Variants in LRP1B observed in about 807,000 individuals in gnomAD.
The protein encoded by LRP1B is low-density lipoprotein receptor-related protein 1B.
Under a neutral mutation model 556.6 loss-of-function variants are expected in LRP1B, and 217 were observed. That is an observed-to-expected ratio of 0.39 (90% CI 0.35 to 0.44). The LOEUF (loss-of-function observed/expected upper bound fraction) is 0.44. LRP1B is among the 20% of genes least tolerant of loss of function. The probability of loss-of-function intolerance (pLI) is 1.00; values close to 1 mark genes in which losing one functional copy is unlikely to be tolerated. For synonymous variants in LRP1B, 2,047 were observed against 1,865.8 expected (o/e 1.10, Z -2.50); for missense variants, 5,053 against 5,620.8 (o/e 0.90, Z 3.23).
chr2:141,114,941 C>T (rs538473388), intron 7 of LRP1B, among the ~76,000 whole-genome samples: 6 of 152,188 alleles, frequency 3.9e-5, no homozygotes, highest in South Asian at 2.1e-4. Flanking sequence ...CTATTAAAAC[C>T]GCACCCTTGA....
chr2:142,062,146 C>T (rs1326132714), intron 1 of LRP1B, among the ~76,000 whole-genome samples: 2 of 151,834 alleles, frequency 1.3e-5, no homozygotes. Context: ...CTTCAATGCC[C>T]CCAGCCAACT....
At chr2:141,693,073 C>T (rs901273570) in intron 2 of LRP1B, among the ~76,000 whole-genome samples, 2 of 152,028 alleles carry the variant, frequency 1.3e-5, no homozygotes, top group African/African-American at 4.8e-5. Flanking sequence ...GGGAACTTTG[C>T]CACTATGCAG....
chr2:141,297,302 A>T (rs1686219292), intron 3 of LRP1B, among the ~76,000 whole-genome samples: 1 of 152,182 alleles, frequency 6.6e-6, no homozygotes, highest in Non-Finnish European at 1.5e-5. Context: ...AAAGTCAAAA[A>T]CTAATAGATG....
chr2:140,301,480 T>C (rs1683818391), intron 83 of LRP1B, among the ~76,000 whole-genome samples: 3 of 152,144 alleles, frequency 2.0e-5, no homozygotes, highest in Non-Finnish European at 4.4e-5. Flanking sequence ...ATCCTTGAGC[T>C]TCTTCAAAAG....
intron 2 of LRP1B, among the ~76,000 whole-genome samples, chr2:141,698,508 A>AAG (rs397873890): frequency 6.6e-6 from 1 of 150,690 alleles, no homozygotes; most frequent in African/African-American, 2.4e-5. Context: ...AAAAAAAAAA[A>AAG]GAGTTTGACT....
chr2:141,677,436 G>C (rs1690926762), intron 2 of LRP1B, among the ~76,000 whole-genome samples: 1 of 152,048 alleles, frequency 6.6e-6, no homozygotes, highest in Admixed American at 6.6e-5. Flanking sequence ...ATTATTACAG[G>C]GGAGTTATGC....
At chr2:141,492,787 A>T (rs570807870) in intron 2 of LRP1B, among the ~76,000 whole-genome samples, 2 of 152,284 alleles carry the variant, frequency 1.3e-5, no homozygotes, top group African/African-American at 4.8e-5. Flanking sequence ...AGGATGATAC[A>T]AACATTTAAA....
chr2:140,539,554 A>G (rs1334951514), intron 45 of LRP1B, among the ~76,000 whole-genome samples: 2 of 152,104 alleles, frequency 1.3e-5, no homozygotes. Flanking sequence ...AGTTGTATTG[A>G]AGGTATTATG....
intron 32 of LRP1B, among the ~76,000 whole-genome samples, chr2:140,776,691 T>C (rs11675046): frequency 0.85 from 129,651 of 151,946 alleles, 55,592 homozygotes; most frequent in East Asian, 1. Flanking sequence ...CTCCCACTTT[T>C]TATTTGTTAA....
In LRP1B at chr2:141,505,544, T is replaced by C. The variant is rs766317544; in HGVS notation, c.206-25011A>G. ...ACTGAAATCTATGAATTGAAAAATA[T>C]TGCAATAGACCTCTTCTCTTTATAA... is the stretch of plus-strand genomic sequence containing the variant. On this transcript the variant is annotated intron_variant, in intron 2 of 90. Transcript: ENST00000389484. Among the ~76,000 whole-genome samples the C allele has an allele frequency of 1.1e-3, 172 of 152,068 alleles. 1 individual carries two copies. Among genetic ancestry groups the C allele is most frequent in the Non-Finnish European group, 2.0e-3 (138 of 67,956 alleles).
Position 140,883,812 on chromosome 2 carries a change from T to C in LRP1B, c.4169+5A>G. 6.2e-7 allele frequency: 1 copy of C among 1,610,630 alleles called. No individual in the cohort carries two copies. Among genetic ancestry groups the C allele is most frequent in the Non-Finnish European group, 8.5e-7 (1 of 1,178,704 alleles). On this transcript the variant is annotated splice_donor_5th_base_variant and intron_variant, in intron 25 of 90. Transcript: ENST00000389484. ...AATCAATCTATAAAAGGCAAACTTC[T>C]TTACCCATATCTTGGGTCCAAAGCA...
rs75371302 is a variant in LRP1B, at chr2:140,242,712, C to T, written c.13325-3180G>A. 8.4e-3 allele frequency among the ~76,000 whole-genome samples: 1,266 copies of T among 150,810 alleles called. 61 individuals are homozygous for T. In the East Asian group the frequency reaches 0.14, roughly 16 times the overall value. ...TGTCTCTGAGGCTTAAGGAGCAAAT[C>T]CTCTGTTGTCAGTGAAGAGACTTTA... On this transcript the variant is annotated intron_variant, in intron 87 of 90. Transcript: ENST00000389484.
At chr2:140,776,679 T>G (rs1268635761) in intron 32 of LRP1B, among the ~76,000 whole-genome samples, 1 of 152,048 alleles carries the variant, frequency 6.6e-6, no homozygotes, top group Admixed American at 6.6e-5. Flanking sequence ...ATATACATTG[T>G]TCTCCCACTT....
intron 3 of LRP1B, among the ~76,000 whole-genome samples, chr2:141,284,287 T>C (rs1346541875): frequency 6.6e-6 from 1 of 152,188 alleles, no homozygotes; most frequent in Non-Finnish European, 1.5e-5. Context: ...TATGAGACAT[T>C]GGGCTTTAGT....
intron 18 of LRP1B, among the ~76,000 whole-genome samples, chr2:140,967,161 C>T (rs1218024663): frequency 1.3e-5 from 2 of 152,096 alleles, no homozygotes; most frequent in Admixed American, 6.6e-5. Context: ...GACATTGATT[C>T]TTCCTATCCA....
intron 68 of LRP1B, among the ~76,000 whole-genome samples, chr2:140,376,251 T>A (rs1235278052): frequency 6.6e-6 from 1 of 152,326 alleles, no homozygotes; most frequent in Admixed American, 6.5e-5. Flanking sequence ...GTAATAAGGA[T>A]ATCTACTTTC....
intron 15 of LRP1B, among the ~76,000 whole-genome samples, chr2:140,996,716 T>C (rs142085506): frequency 6.6e-6 from 1 of 152,082 alleles, no homozygotes; most frequent in East Asian, 1.9e-4. Flanking sequence ...GCTAAGCAGC[T>C]AATTCTCTTC....
chr2:141,359,528 C>G (rs1343107666), intron 3 of LRP1B, among the ~76,000 whole-genome samples: 1 of 152,158 alleles, frequency 6.6e-6, no homozygotes, highest in East Asian at 1.9e-4. Context: ...GAGGCCAAGG[C>G]AGGTGCATCA....
chr2:141,034,546 G>T (rs913353716), intron 11 of LRP1B, among the ~76,000 whole-genome samples: 1 of 152,030 alleles, frequency 6.6e-6, no homozygotes. Context: ...AGTGGGCGAA[G>T]GATATGAACA....
Sources: allele counts gnomAD v4.1 joint callset (sites outside exome capture counted in the v4.1 genomes callset), GRCh38; gene constraint gnomAD v4.1.1; transcripts MANE v1.5; gene names NCBI Gene and HGNC (gene_info 2026-07-23, HGNC 2026-07-21).